Variants in MYO18A observed in about 807,000 individuals in gnomAD.
The protein encoded by MYO18A is myosin XVIIIA.
In MYO18A, 78 loss-of-function variants were observed where a neutral mutation model predicts 235.8. The ratio of observed to expected loss-of-function variants is 0.33; its 90% CI spans 0.28 to 0.40. The LOEUF is 0.40. Ranked by LOEUF, MYO18A falls within the 10% of genes least tolerant of loss-of-function variation. The pLI is 1.00. For synonymous variants in MYO18A, 977 were observed against 1,077.8 expected, an observed-to-expected ratio of 0.91 and a Z score of 1.83; for missense variants, 2,215 against 2,699.3, an observed-to-expected ratio of 0.82 and a Z score of 3.98.
In MYO18A at chr17:29,116,433, CAAGGTTTTACCTTCAGCAGCTTCTGT is replaced by C. The variant is rs1344638250; in HGVS notation, c.2039-4_2050+10del. ...GCAATTAGGGAAAGCTAACAAGAAA[CAAGGTTTTACCTTCAGCAGCTTCTGT>C]AAGGCAAAGGACCAGCATGCAGCAT... On this transcript the variant is annotated splice_acceptor_variant and splice_donor_variant and splice_donor_5th_base_variant and splice_polypyrimidine_tract_variant and coding_sequence_variant and intron_variant, in exon 11 of 42. Coordinates refer to ENST00000527372, the MANE Select transcript of MYO18A (RefSeq NM_078471.4). LOFTEE classifies it high-confidence loss of function. 6.2e-7 allele frequency: 1 copy of C among 1,614,000 alleles called. No individual in the cohort carries two copies. Among genetic ancestry groups the C allele is most frequent in the Admixed American group, 1.7e-5 (1 of 60,028 alleles).
At chr17:29,094,893 T>G (rs2019988) in intron 29 of MYO18A, 43 bp from the exon 30 acceptor site, 583,360 of 1,613,278 alleles carry the variant, frequency 0.36, 112,744 homozygotes, top group East Asian at 0.84. Context: ...TGACCCCAGG[T>G]TGTGAGGGGG....
At chr17:29,175,789 G>A (rs1318862486) in intron 1 of MYO18A, among the ~76,000 whole-genome samples, 2 of 152,168 alleles carry the variant, frequency 1.3e-5, no homozygotes, top group South Asian at 2.1e-4. Flanking sequence ...GCCAGGCGCA[G>A]TGGCTCACAC....
chr17:29,144,690 AATT>A (rs1411858347), intron 2 of MYO18A, among the ~76,000 whole-genome samples: 1 of 152,228 alleles, frequency 6.6e-6, no homozygotes, highest in Non-Finnish European at 1.5e-5. Flanking sequence ...ATAGTTATTA[AATT>A]ATTAATATCA....
intron 2 of MYO18A, among the ~76,000 whole-genome samples, chr17:29,147,476 C>T (rs2067872241): frequency 6.6e-6 from 1 of 152,068 alleles, no homozygotes; most frequent in East Asian, 1.9e-4. Flanking sequence ...GTCATGATCA[C>T]ACCACTGCAC....
Position 29,090,101 on chromosome 17 carries a change from A to G in MYO18A, c.5389-3T>C. On this transcript the variant is annotated splice_polypyrimidine_tract_variant and splice_region_variant and intron_variant, in intron 36 of 41. Coordinates refer to ENST00000527372, the MANE Select transcript of MYO18A (RefSeq NM_078471.4). ...ACCTGGCTCTGGAGGGCTTGTAGCTAGAGGTGGGGGACAGGAAGAGAAGAA... is the reference window on the plus strand; with the variant it reads ...ACCTGGCTCTGGAGGGCTTGTAGCTGGAGGTGGGGGACAGGAAGAGAAGAA... 2 of 1,611,434 alleles carry G rather than the reference A, an allele frequency of 1.2e-6. No individual in the cohort carries two copies. The highest frequency in any genetic ancestry group is 1.7e-6 in the Non-Finnish European group (2 of 1,178,658).
chr17:29,167,116 T>G, intron 1 of MYO18A, 95 bp from the exon 2 acceptor site: 2 of 854,460 alleles, frequency 2.3e-6, no homozygotes, highest in Non-Finnish European at 3.5e-6. Context: ...TACTCCTCAC[T>G]GGGTGCTAGC....
At chr17:29,129,153 C>T (rs1266540887) in intron 2 of MYO18A, 1 of 1,272,686 alleles carries the variant, frequency 7.9e-7, no homozygotes, top group East Asian at 5.6e-5. Context: ...CTCTTCCTGG[C>T]CCCAAGACAT....
At position 29,093,998 on chromosome 17, in the gene MYO18A, C is replaced by A; in HGVS notation, c.4803G>T (p.Arg1601=). The change falls in exon 31 of 42, where the codon CGG becomes CGT. Residue 1601 remains arginine, a synonymous_variant. Transcript: ENST00000527372. ...ACCTTACCTTCTTCTGACACGACTG[C>A]CGGGCCTCCTCCACCTCCTCATCCC... The part of the protein sequence containing the change: ...ESRDEEVEEA[R]QSCQKKLKQM... 1.2e-6 allele frequency: 2 copies of A among 1,609,960 alleles called. No individual in the cohort carries two copies. Among genetic ancestry groups the A allele is most frequent in the Non-Finnish European group, 1.7e-6 (2 of 1,178,326 alleles).
chr17:29,079,611 G>T, intron 41 of MYO18A: 1 of 719,720 alleles, frequency 1.4e-6, no homozygotes, highest in Non-Finnish European at 1.7e-6. Context: ...TCCGAGGCCA[G>T]GCATGCCCGA....
intron 32 of MYO18A, 109 bp from the exon 33 acceptor site, chr17:29,093,110 G>T (rs991411164): frequency 1.4e-6 from 2 of 1,416,962 alleles, no homozygotes; most frequent in Non-Finnish European, 1.9e-6. Flanking sequence ...CCATAAGGAT[G>T]CTGGAAGAGC....
Position 29,111,137 on chromosome 17 carries a change from A to G in MYO18A, c.2900+287T>C, listed in dbSNP as rs2152824639. ...CATCTTCTGAAGAGTAGAACGGATGACAGGGCCCGTGGGGCTGGGGGTTCT... is the reference window on the plus strand; with the variant it reads ...CATCTTCTGAAGAGTAGAACGGATGGCAGGGCCCGTGGGGCTGGGGGTTCT... On this transcript the variant is annotated intron_variant, in intron 17 of 41. Coordinates refer to ENST00000527372, the MANE Select transcript of MYO18A (RefSeq NM_078471.4). The surrounding 1 kb of genome is among the most constrained non-coding windows in gnomAD (Gnocchi z 5.1). Among the ~76,000 whole-genome samples, 1 of 152,270 alleles carries G rather than the reference A, an allele frequency of 6.6e-6. No individual in the cohort carries two copies. The highest frequency in any genetic ancestry group is 1.9e-4 in the East Asian group (1 of 5,178).
At chr17:29,089,895 T>A in intron 37 of MYO18A, 66 bp downstream of exon 37, 1 of 1,596,610 alleles carries the variant, frequency 6.3e-7, no homozygotes, top group South Asian at 1.1e-5. Context: ...CTGCTGAGCA[T>A]GCGCGGCTCC....
intron 21 of MYO18A, among the ~76,000 whole-genome samples, chr17:29,102,801 C>T (rs1295343785): frequency 1.3e-5 from 2 of 152,230 alleles, no homozygotes; most frequent in Non-Finnish European, 2.9e-5. Context: ...AGACTCAAGC[C>T]TCTGCAAGCA....
chr17:29,130,818 AT>A (rs1316388995), intron 2 of MYO18A, among the ~76,000 whole-genome samples: 1 of 152,128 alleles, frequency 6.6e-6, no homozygotes. Context: ...CAGGGTCTCT[AT>A]CCCAATGCGC....
chr17:29,130,458 A>T (rs2067439719), intron 2 of MYO18A, among the ~76,000 whole-genome samples: 1 of 150,188 alleles, frequency 6.7e-6, no homozygotes, highest in Non-Finnish European at 1.5e-5. Flanking sequence ...AATTCTGGGC[A>T]ACTCTGAGGC....
At chr17:29,132,190 GGCCT>G (rs1386201815) in intron 2 of MYO18A, among the ~76,000 whole-genome samples, 1 of 152,204 alleles carries the variant, frequency 6.6e-6, no homozygotes, top group Non-Finnish European at 1.5e-5. Context: ...GGAGCTGGCT[GGCCT>G]GAGTCAGAGG....
chr17:29,136,244 AAAAAAAAT>A lies in MYO18A; in HGVS notation c.1000-13999_1000-13992del, dbSNP rs1230725702. 4.9e-4 allele frequency among the ~76,000 whole-genome samples: 36 copies of A among 73,586 alleles called. No homozygotes were observed. The East Asian group carries it at 8.1e-3, about 16-fold the overall frequency. The allele number at this position is 73,586 out of a possible 152,430, so 48.3% of individuals were successfully genotyped here. A position where few individuals can be genotyped will look rare whatever the true frequency, so the allele number is the denominator to read the frequency against. On this transcript the variant is annotated intron_variant, in intron 2 of 41. Transcript: ENST00000527372. ...AGACCCCATCTCAAAAGAAAAAAAA[AAAAAAAAT>A]ATATATATATATATATATATATGTA...
intron 2 of MYO18A, among the ~76,000 whole-genome samples, chr17:29,146,359 A>G (rs868023582): frequency 1.3e-5 from 2 of 152,224 alleles, no homozygotes; most frequent in African/African-American, 4.8e-5. Flanking sequence ...CATATAGGAA[A>G]CCAAGGAGGG....
rs765702676 is a variant in MYO18A, at chr17:29,085,610, T to C, written c.5891A>G (p.Asn1964Ser). The C allele has an allele frequency of 1.9e-6, 3 of 1,614,016 alleles. No individual in the cohort carries two copies. The highest frequency in any genetic ancestry group is 2.5e-6 in the Non-Finnish European group (3 of 1,179,878). Residue 1964 changes from asparagine (N) to serine (S), a missense_variant, in exon 40 of 42, where the codon AAT becomes AGT. Transcript: ENST00000527372. ...CATGCGCTCCAGTCCTCACAGTTTA[T>C]TCTTTCTTTTCTGATACTTTGTCAC... ...DMVTKYQKRK[N>S]KLEGDSDVDS...
Sources: gnomAD v4.1 joint callset for allele counts (sites outside exome capture counted in the v4.1 genomes callset) on GRCh38, gnomAD v4.1.1 for gene constraint, Gnocchi (gnomAD v3.1) non-coding constraint, MANE v1.5 for transcripts, NCBI Gene and HGNC (gene_info 2026-07-23, HGNC 2026-07-21) for gene names.